Variants in CPED1 observed in about 807,000 individuals in gnomAD.
CPED1 encodes cadherin like and PC-esterase domain containing 1.
CPED1 carries 114 observed loss-of-function variants against 128.2 expected under a neutral mutation model. That is an observed-to-expected ratio of 0.89 (90% confidence interval 0.76 to 1.04). The LOEUF is 1.04. Ranked by LOEUF, CPED1 falls within the 50% of genes least tolerant of loss-of-function variation. The pLI, the probability that CPED1 is intolerant of heterozygous loss-of-function variation, is 0.00. For missense variants in CPED1, 1,211 were observed against 1,207.1 expected, an observed-to-expected ratio of 1.00 and a Z score of -0.05; for synonymous variants, 462 against 426.7, an observed-to-expected ratio of 1.08 and a Z score of -1.02.
At chr7:121,037,166 GT>G (rs1398562030) in intron 3 of CPED1, among the ~76,000 whole-genome samples, 2 of 151,984 alleles carry the variant, frequency 1.3e-5, no homozygotes, top group Non-Finnish European at 2.9e-5. Context: ...ATTTATCTTT[GT>G]TTTGGTTGCA....
intron 16 of CPED1, among the ~76,000 whole-genome samples, chr7:121,226,340 T>C (rs920553001): frequency 6.6e-6 from 1 of 152,020 alleles, no homozygotes; most frequent in Admixed American, 6.6e-5. Context: ...AAATCACCCG[T>C]TTTCTGCGTT....
At chr7:121,004,242 G>C (rs994284446) in intron 2 of CPED1, among the ~76,000 whole-genome samples, 1 of 152,210 alleles carries the variant, frequency 6.6e-6, no homozygotes, top group Admixed American at 6.5e-5. Flanking sequence ...ATGCCAAGGG[G>C]AGAAGGCAGG....
At chr7:121,271,815 T>C (rs1240385043) in intron 22 of CPED1, among the ~76,000 whole-genome samples, 1 of 152,132 alleles carries the variant, frequency 6.6e-6, no homozygotes, top group Non-Finnish European at 1.5e-5. Flanking sequence ...CTTAATGTGC[T>C]AAACTAATGA....
chr7:121,128,402 A>G lies in CPED1; in HGVS notation c.1323A>G (p.Glu441=). 5.7e-6 allele frequency: 9 copies of G among 1,591,922 alleles called. No homozygotes were observed. The highest frequency in any genetic ancestry group is 7.8e-6 in the Non-Finnish European group (9 of 1,160,082). ...TACAGGGTGAAAACTATCAAAAGGA[A>G]CTAAATCAGTGTCTGTCCTTAGAAG... ...DVFKGENYQK[E]LNQCLSLEEI... Residue 441 remains glutamate, a synonymous_variant, in exon 11 of 23, where the codon GAA becomes GAG. Coordinates refer to ENST00000310396, the MANE Select transcript of CPED1 (RefSeq NM_024913.5).
At chr7:121,209,489 C>A (rs1038889144) in intron 16 of CPED1, among the ~76,000 whole-genome samples, 1 of 151,968 alleles carries the variant, frequency 6.6e-6, no homozygotes, top group Non-Finnish European at 1.5e-5. Flanking sequence ...TTACTATTGA[C>A]AGTGAAATTA....
At chr7:121,046,094 T>C (rs1793186428) in intron 3 of CPED1, among the ~76,000 whole-genome samples, 1 of 151,960 alleles carries the variant, frequency 6.6e-6, no homozygotes, top group African/African-American at 2.4e-5. Context: ...TAAAGAAAAA[T>C]AAACCCATGT....
At chr7:121,261,536 T>G in intron 18 of CPED1, 1 of 1,529,214 alleles carries the variant, frequency 6.5e-7, no homozygotes, top group Admixed American at 2.0e-5. Context: ...GCCATGAGAC[T>G]GAGTTCTAAC....
intron 3 of CPED1, among the ~76,000 whole-genome samples, chr7:121,016,086 G>A (rs570390966): frequency 6.6e-6 from 1 of 151,816 alleles, no homozygotes; most frequent in African/African-American, 2.4e-5. Flanking sequence ...TTTTGGAGTT[G>A]TATAGTTCAT....
chr7:121,247,032 A>C (rs1426542218), intron 18 of CPED1, among the ~76,000 whole-genome samples: 2 of 152,218 alleles, frequency 1.3e-5, no homozygotes, highest in African/African-American at 4.8e-5. Flanking sequence ...AGCATTATCC[A>C]TTTTTAACAG....
chr7:121,056,879 T>A (rs1323250588), intron 4 of CPED1, among the ~76,000 whole-genome samples: 4 of 152,248 alleles, frequency 2.6e-5, no homozygotes, highest in Admixed American at 1.3e-4. Flanking sequence ...GTATATAGGC[T>A]ACTCAAAACC....
At chr7:121,119,253 A>T (rs1379633925) in intron 7 of CPED1, among the ~76,000 whole-genome samples, 1 of 143,326 alleles carries the variant, frequency 7.0e-6, no homozygotes, top group Non-Finnish European at 1.5e-5. Context: ...TTTTTTTGAG[A>T]TGGAGTCTCG....
intron 16 of CPED1, among the ~76,000 whole-genome samples, chr7:121,190,527 C>G (rs151057228): frequency 0.012 from 1,795 of 151,770 alleles, 37 homozygotes; most frequent in African/African-American, 0.04. Context: ...TGGATAAGAC[C>G]AAGATTTTCT....
chr7:121,042,728 G>A (rs960648032), intron 3 of CPED1, among the ~76,000 whole-genome samples: 1 of 152,134 alleles, frequency 6.6e-6, no homozygotes, highest in African/African-American at 2.4e-5. Flanking sequence ...TGTTGTATAG[G>A]ATAAATGAGA....
intron 14 of CPED1, among the ~76,000 whole-genome samples, chr7:121,136,687 G>T (rs1032931890): frequency 2.6e-5 from 4 of 152,040 alleles, no homozygotes; most frequent in Admixed American, 2.0e-4. Context: ...AAGTCACAGG[G>T]TTATTAAATG....
chr7:121,059,388 C>T (rs933226165), intron 4 of CPED1, among the ~76,000 whole-genome samples: 3 of 152,146 alleles, frequency 2.0e-5, no homozygotes, highest in Non-Finnish European at 4.4e-5. Context: ...GTCATTAATT[C>T]TTTTCATTGT....
intron 4 of CPED1, chr7:121,051,027 G>A (rs1419399316): frequency 1.5e-5 from 8 of 541,524 alleles, no homozygotes; most frequent in South Asian, 2.9e-5. Flanking sequence ...AGGCAGCAGC[G>A]AAGGATAAAT....
At chr7:121,194,047 TA>T (rs1208181758) in intron 16 of CPED1, among the ~76,000 whole-genome samples, 982 of 57,604 alleles carry the variant, frequency 0.017, 11 homozygotes, top group Non-Finnish European at 0.022. Flanking sequence ...TATATATATA[TA>T]TTTTTTTTTT....
At chr7:121,088,658 C>CAAAA (rs36134514) in intron 5 of CPED1, among the ~76,000 whole-genome samples, 8 of 136,510 alleles carry the variant, frequency 5.9e-5, no homozygotes, top group African/African-American at 2.2e-4. Context: ...GACTGCTTCT[C>CAAAA]AAAAAAAAAA....
At chr7:121,000,310 C>T (rs1030425921) in intron 2 of CPED1, among the ~76,000 whole-genome samples, 1 of 152,110 alleles carries the variant, frequency 6.6e-6, no homozygotes, top group Non-Finnish European at 1.5e-5. Flanking sequence ...AACTTTTGCA[C>T]TTTTTGGAGA....
Sources: allele counts gnomAD v4.1 joint callset (sites outside exome capture counted in the v4.1 genomes callset), GRCh38; gene constraint gnomAD v4.1.1; transcripts MANE v1.5; gene names NCBI Gene and HGNC (gene_info 2026-07-23, HGNC 2026-07-21).